The following DMBT1 variants were observed in gnomAD, a reference collection of about 807,000 sequenced individuals.
DMBT1 encodes deleted in malignant brain tumors 1, also known as scavenger receptor cysteine-rich domain-containing protein DMBT1.
Under a neutral mutation model 252.9 loss-of-function variants are expected in DMBT1, and 198 were observed. The observed-to-expected ratio is 0.78, with a 90% CI of 0.70 to 0.88. The LOEUF (loss-of-function observed/expected upper bound fraction) is 0.88. Among genes scored for constraint, DMBT1 ranks in the 40% least tolerant of loss-of-function variants. The probability of loss-of-function intolerance (pLI) is 0.00; values close to 1 mark genes in which losing one functional copy is unlikely to be tolerated. For missense variants in DMBT1, 2,432 were observed against 2,404.7 expected, an observed-to-expected ratio of 1.01 and a Z score of -0.24; for synonymous variants, 990 against 942.7, an observed-to-expected ratio of 1.05 and a Z score of -0.92.
chr10:122,634,389 T>G, intron 52 of DMBT1, among the ~76,000 whole-genome samples: 1 of 140,302 alleles, frequency 7.1e-6, no homozygotes, highest in Non-Finnish European at 1.5e-5. Context: ...TCTTTCTTTC[T>G]TTCTTTCTTT....
At chr10:122,571,399 C>A (rs2133525966) in intron 4 of DMBT1, among the ~76,000 whole-genome samples, 1 of 152,226 alleles carries the variant, frequency 6.6e-6, no homozygotes, top group South Asian at 2.1e-4. Flanking sequence ...TCCTAAGTGG[C>A]AGTTTTTCCT....
chr10:122,584,706 A>T lies in DMBT1; in HGVS notation c.1420+355A>T, dbSNP rs139698446. 7.3e-3 allele frequency among the ~76,000 whole-genome samples: 1,084 copies of T among 149,098 alleles called. 177 individuals carry two copies. The East Asian group carries it at 0.16, about 22-fold the overall frequency. ...AGAGTGATTGCCAAAGTCTCCTCGG[A>T]AGCCAATGTCAGCTAAAGCCTTAAA... On this transcript the variant is annotated intron_variant, in intron 14 of 55. Coordinates refer to ENST00000338354, the MANE Select transcript of DMBT1 (RefSeq NM_001377530.1).
At chr10:122,599,735 G>A (rs1161801751) in intron 26 of DMBT1, among the ~76,000 whole-genome samples, 6 of 152,226 alleles carry the variant, frequency 3.9e-5, no homozygotes, top group African/African-American at 1.2e-4. Context: ...CTTGAGGACG[G>A]CACAAGGGAT....
intron 27 of DMBT1, among the ~76,000 whole-genome samples, chr10:122,600,524 C>T (rs1289913143): frequency 1.3e-5 from 2 of 152,176 alleles, no homozygotes; most frequent in African/African-American, 4.8e-5. Context: ...TTATCATGGG[C>T]CACATTTGTA....
chr10:122,573,102 T>G (rs551706591), intron 5 of DMBT1, among the ~76,000 whole-genome samples: 1 of 151,682 alleles, frequency 6.6e-6, no homozygotes, highest in African/African-American at 2.4e-5. Flanking sequence ...CAAAGACGAG[T>G]TTCTGGTTAA....
rs1844286736 is a variant in DMBT1 at position 122,640,291 on chromosome 10, G to A, written c.7194G>A (p.Val2398=). The change falls in exon 55 of 56, where the codon GTG becomes GTA. Residue 2398 remains valine (V), a synonymous_variant. Coordinates refer to ENST00000338354, the MANE Select transcript of DMBT1 (RefSeq NM_001377530.1). ...CTTCCTCATCTTTCTTGTATCCTGT[G>A]ACCAGCCGCCCTTACTACGTGGACC... ...FYTSSSFLYP[V]TSRPYYVDLN... is the part of the protein sequence containing the mutation. 6.2e-7 allele frequency: 1 copy of A among 1,613,894 alleles called. No individual in the cohort carries two copies. The highest frequency in any genetic ancestry group is 8.5e-7 in the Non-Finnish European group (1 of 1,179,912).
At chr10:122,638,025 T>G (rs1172377737) in intron 54 of DMBT1, among the ~76,000 whole-genome samples, 1 of 152,216 alleles carries the variant, frequency 6.6e-6, no homozygotes, top group Non-Finnish European at 1.5e-5. Context: ...CCTGGGACTT[T>G]GCAGATTTTA....
chr10:122,621,473 TCTC>T (rs2098068135), intron 44 of DMBT1, 93 bp downstream of exon 44: 4 of 1,573,414 alleles, frequency 2.5e-6, no homozygotes, highest in Non-Finnish European at 3.5e-6. Context: ...ACTCAAAGCT[TCTC>T]CTGTGTTTCC....
At position 122,621,185 on chromosome 10, in the gene DMBT1, G is replaced by A; in HGVS notation, c.5413G>A (p.Val1805Met). The A allele has an allele frequency of 1.2e-6, 2 of 1,613,934 alleles. No homozygotes were observed. The highest frequency in any genetic ancestry group is 1.7e-6 in the Non-Finnish European group (2 of 1,179,824). Residue 1805 changes from valine (V) to methionine (M), a missense_variant, in exon 44 of 56, where the codon GTG becomes ATG. Coordinates refer to ENST00000338354, the MANE Select transcript of DMBT1 (RefSeq NM_001377530.1). ...DDSWDTNDAN[V>M]VCRQLGCGWA... The stretch of plus-strand genomic sequence containing the variant: ...CAGCTGGGACACCAATGATGCCAAT[G>A]TGGTCTGCAGGCAGCTGGGCTGTGG...
chr10:122,630,844 T>C, intron 48 of DMBT1, 117 bp from the exon 49 acceptor site: 2 of 1,172,460 alleles, frequency 1.7e-6, no homozygotes, highest in South Asian at 1.6e-5. Flanking sequence ...TTTCCACATT[T>C]CTATTTGGCG....
At chr10:122,597,916 T>G (rs2133601104) in intron 24 of DMBT1, 58 bp from the exon 25 acceptor site, 29 of 1,613,136 alleles carry the variant, frequency 1.8e-5, no homozygotes, top group Non-Finnish European at 2.5e-5. Context: ...AGACCTTTCC[T>G]TTTGGAGATT....
Position 122,640,171 on chromosome 10 carries a change from G to A in DMBT1, c.7074G>A (p.Met2358Ile). ...RMLQNTWVDT[M>I]YIANDTIHVA... ...TTCAGAACACCTGGGTCGACACCAT[G>A]TACATTGCTAATGACACCATCCACG... Residue 2358 changes from methionine (M) to isoleucine (I), a missense_variant, in exon 55 of 56, where the codon ATG becomes ATA. Met to Ile is a conservative substitution (Grantham distance 10). This residue lies in a region of DMBT1 where 1,162 missense variants were observed against 1,169.0 expected (regional missense o/e 0.99). Transcript: ENST00000338354. 3 of 1,614,080 alleles carry A rather than the reference G, an allele frequency of 1.9e-6. No homozygotes were observed. Among genetic ancestry groups the A allele is most frequent in the South Asian group, 1.1e-5 (1 of 91,082 alleles).
intron 26 of DMBT1, among the ~76,000 whole-genome samples, 175 bp downstream of exon 26, chr10:122,599,272 G>C (rs1026849407): frequency 3.3e-5 from 5 of 152,142 alleles, no homozygotes; most frequent in Admixed American, 6.5e-5. Context: ...TGTTCCTGTG[G>C]TCACTTAGGA....
At chr10:122,600,748 C>G (rs879377552) in intron 27 of DMBT1, among the ~76,000 whole-genome samples, 5 of 152,108 alleles carry the variant, frequency 3.3e-5, no homozygotes, top group Non-Finnish European at 7.3e-5. Flanking sequence ...GTGGGGGCAT[C>G]CTCTAAGAGA....
chr10:122,565,475 T>C (rs906408743), intron 1 of DMBT1, among the ~76,000 whole-genome samples: 1 of 152,204 alleles, frequency 6.6e-6, no homozygotes, highest in African/African-American at 2.4e-5. Flanking sequence ...TCACTGAATA[T>C]AAAGATCCAG....
At chr10:122,630,933 A>G (rs2098159781) in intron 48 of DMBT1, 28 bp from the exon 49 acceptor site, 3 of 1,570,180 alleles carry the variant, frequency 1.9e-6, no homozygotes, top group Non-Finnish European at 1.7e-6. Flanking sequence ...GGACATGGCC[A>G]TGATCTCTCA....
rs188010148 is a variant in DMBT1 at position 122,617,985 on chromosome 10, G to A, written c.4892-32G>A. 740 of 1,610,714 alleles carry A rather than the reference G, an allele frequency of 4.6e-4. 26 individuals are homozygous for A. In the African/African-American group the frequency reaches 8.9e-3, roughly 19 times the overall value. On this transcript the variant is annotated intron_variant, in intron 40 of 55. Coordinates refer to ENST00000338354, the MANE Select transcript of DMBT1 (RefSeq NM_001377530.1). ...CTTAGATTGTTGACCTCCTGGTGGG[G>A]ATGGATGAAGGGTTCTTGTGTTCCC... is the stretch of plus-strand genomic sequence containing the variant.
At chr10:122,634,965 C>T (rs1236162425) in intron 52 of DMBT1, among the ~76,000 whole-genome samples, 3 of 152,184 alleles carry the variant, frequency 2.0e-5, no homozygotes, top group African/African-American at 7.2e-5. Flanking sequence ...TTGCAGTGGG[C>T]TTTGGAGTCT....
intron 40 of DMBT1, among the ~76,000 whole-genome samples, chr10:122,617,470 C>G (rs1446220007): frequency 6.6e-6 from 1 of 151,380 alleles, no homozygotes; most frequent in Non-Finnish European, 1.5e-5. Flanking sequence ...GGACCCTGTT[C>G]CAAGTGTTCA....
Sources: allele counts gnomAD v4.1 joint callset (sites outside exome capture counted in the v4.1 genomes callset), GRCh38; gene constraint gnomAD v4.1.1; regional missense constraint gnomAD v4.1.1; transcripts MANE v1.5; gene names NCBI Gene and HGNC (gene_info 2026-07-23, HGNC 2026-07-21).